Variants in SLC27A2 observed in about 807,000 individuals in gnomAD.
SLC27A2 encodes the protein solute carrier family 27 member 2.
Under a neutral mutation model 60.0 loss-of-function variants are expected in SLC27A2, and 54 were observed. That is an observed-to-expected ratio of 0.90 (90% CI 0.72 to 1.13). The LOEUF is 1.13. Among genes scored for constraint, SLC27A2 ranks in the 50% most tolerant of loss-of-function variants. SLC27A2 has a pLI of 0.00. For synonymous variants in SLC27A2, 297 were observed against 297.6 expected (o/e 1.00, Z 0.02); for missense variants, 739 against 777.6 (o/e 0.95, Z 0.59).
At position 50,227,182 on chromosome 15, in the gene SLC27A2, G is replaced by T. The variant is rs780555145; in HGVS notation, c.1457+4G>T. The T allele has an allele frequency of 6.2e-7, 1 of 1,612,056 alleles. No individual in the cohort carries two copies. Among genetic ancestry groups the T allele is most frequent in the Non-Finnish European group, 8.5e-7 (1 of 1,178,842 alleles). ...ACAGAGTTGGAGATACATTCCGGTT[G>T]GTTTTTCTGAATCATTGAGCCAAAA... is the stretch of plus-strand genomic sequence containing the variant. On this transcript the variant is annotated splice_donor_region_variant and intron_variant, in intron 7 of 9. Transcript: ENST00000267842.
chr15:50,213,462 G>A (rs1017795424), intron 4 of SLC27A2, among the ~76,000 whole-genome samples: 2 of 152,180 alleles, frequency 1.3e-5, no homozygotes, highest in African/African-American at 4.8e-5. Flanking sequence ...GGACTTAACA[G>A]ATATATACAG....
chr15:50,191,181 G>A (rs565220368), intron 1 of SLC27A2: 1 of 152,316 alleles, frequency 6.6e-6, no homozygotes, highest in East Asian at 1.9e-4. Flanking sequence ...TATGTGAAGT[G>A]ATGTATGTAA....
intron 3 of SLC27A2, among the ~76,000 whole-genome samples, chr15:50,204,857 GTATA>G (rs539595020): frequency 1.4e-5 from 2 of 147,290 alleles, no homozygotes; most frequent in Admixed American, 6.8e-5. Flanking sequence ...ATGTATGTGT[GTATA>G]TATATATACT....
chr15:50,195,729 AAAAC>A (rs1316844288), intron 1 of SLC27A2, among the ~76,000 whole-genome samples: 2 of 151,794 alleles, frequency 1.3e-5, no homozygotes, highest in South Asian at 2.1e-4. Context: ...AAACATCTGA[AAAAC>A]AAAGCATATC....
At chr15:50,226,407 A>G (rs1352702694) in intron 6 of SLC27A2, among the ~76,000 whole-genome samples, 1 of 152,222 alleles carries the variant, frequency 6.6e-6, no homozygotes, top group Non-Finnish European at 1.5e-5. Flanking sequence ...GTAAGTGTGC[A>G]TAAATCATTA....
At chr15:50,213,316 T>C (rs933735489) in intron 4 of SLC27A2, among the ~76,000 whole-genome samples, 2 of 152,150 alleles carry the variant, frequency 1.3e-5, no homozygotes, top group Non-Finnish European at 2.9e-5. Context: ...CAATTGCTAC[T>C]AGACCTAAGA....
intron 4 of SLC27A2, among the ~76,000 whole-genome samples, chr15:50,207,656 G>A (rs2045123413): frequency 1.3e-5 from 2 of 151,920 alleles, no homozygotes; most frequent in Admixed American, 6.6e-5. Context: ...GGGGCTTGTT[G>A]GCACGTGCCT....
intron 1 of SLC27A2, among the ~76,000 whole-genome samples, chr15:50,185,103 C>T (rs2044910270): frequency 6.6e-6 from 1 of 152,158 alleles, no homozygotes; most frequent in African/African-American, 2.4e-5. Flanking sequence ...AGGGAGGTCA[C>T]AGGGTTTGGA....
chr15:50,196,011 G>T (rs1258592526), intron 1 of SLC27A2, among the ~76,000 whole-genome samples: 2 of 129,932 alleles, frequency 1.5e-5, no homozygotes, highest in Non-Finnish European at 3.2e-5. Flanking sequence ...CCAAGATCGC[G>T]CCACTGCACC....
chr15:50,216,610 GTA>G (rs59683706), intron 4 of SLC27A2, among the ~76,000 whole-genome samples: 865 of 66,174 alleles, frequency 0.013, 12 homozygotes, highest in Middle Eastern at 0.019. Flanking sequence ...GTGTGTGTGT[GTA>G]TATATATATA....
At chr15:50,198,895 G>A (rs2045043987) in intron 2 of SLC27A2, among the ~76,000 whole-genome samples, 1 of 152,100 alleles carries the variant, frequency 6.6e-6, no homozygotes, top group Admixed American at 6.5e-5. Context: ...ACCCACCTGA[G>A]CTCACAGTTC....
rs1207114462 is a variant in SLC27A2 at position 50,236,261 on chromosome 15, A to T, written c.*165A>T. Reference sequence around the variant, plus strand: ...AAATAACAGTTGAGTCTTTGCAAGTAAAAAGATTTAGAGATTATTATTTTT... The same window carrying T: ...AAATAACAGTTGAGTCTTTGCAAGTTAAAAGATTTAGAGATTATTATTTTT... On this transcript the variant is annotated 3_prime_UTR_variant, in exon 10 of 10. Transcript: ENST00000267842. 9.9e-6 allele frequency: 5 copies of T among 504,376 alleles called. No homozygotes were observed. The highest frequency in any genetic ancestry group is 1.7e-5 in the Non-Finnish European group (5 of 295,680). 31.2% of individuals were successfully genotyped at this position (504,376 alleles called of 1,614,324 possible).
intron 4 of SLC27A2, among the ~76,000 whole-genome samples, chr15:50,205,882 C>A (rs1379852328): frequency 1.3e-5 from 2 of 152,128 alleles, no homozygotes; most frequent in African/African-American, 4.8e-5. Context: ...ATACAGGAAA[C>A]TTTTACTTAA....
In SLC27A2 at chr15:50,182,228, C is replaced by T. The variant is rs1388854285; in HGVS notation, c.-200C>T. On this transcript the variant is annotated 5_prime_UTR_variant, in exon 1 of 10. The change creates a new upstream start codon in the 5' untranslated region. Coordinates refer to ENST00000267842, the MANE Select transcript of SLC27A2 (RefSeq NM_003645.4). Reference sequence around the variant, plus strand: ...CCCGGAACCCCCGGCAACGCGCATACGACTACACCTGCTCCGGAGCCCGCG... The same window carrying T: ...CCCGGAACCCCCGGCAACGCGCATATGACTACACCTGCTCCGGAGCCCGCG... The T allele has an allele frequency of 4.8e-6, 4 of 830,984 alleles. No homozygotes were observed. The highest frequency in any genetic ancestry group is 6.5e-6 in the Non-Finnish European group (4 of 619,774). The allele number at this position is 830,984 out of a possible 1,614,324, so 51.5% of individuals were successfully genotyped here. A position where few individuals can be genotyped will look rare whatever the true frequency, so the allele number is the denominator to read the frequency against.
intron 2 of SLC27A2, among the ~76,000 whole-genome samples, chr15:50,199,664 C>T (rs2140900881): frequency 6.6e-6 from 1 of 152,130 alleles, no homozygotes; most frequent in South Asian, 2.1e-4. Flanking sequence ...CACAGTGGCT[C>T]ACATCTACAA....
chr15:50,233,997 A>T lies in SLC27A2; in HGVS notation c.1685A>T (p.Gln562Leu). 6.2e-7 allele frequency: 1 copy of T among 1,608,524 alleles called. No homozygotes were observed. ...GCAAGGCCCCGGTTTCTAAGAATAC[A>T]GGTGAGATCTCTTATTATCCAGTTC... is the stretch of plus-strand genomic sequence containing the variant. ...SYARPRFLRI[Q>L]DTIEITGTFK... The change falls in exon 9 of 10, where the codon CAG (glutamine) becomes CTG (leucine). Residue 562 changes from glutamine (Q) to leucine (L), a missense_variant and splice_region_variant. Gln to Leu is a moderately radical substitution (Grantham distance 113, BLOSUM62 -2). Coordinates refer to ENST00000267842, the MANE Select transcript of SLC27A2 (RefSeq NM_003645.4).
At chr15:50,227,508 A>G (rs2045286858) in intron 7 of SLC27A2, among the ~76,000 whole-genome samples, 1 of 152,166 alleles carries the variant, frequency 6.6e-6, no homozygotes, top group African/African-American at 2.4e-5. Flanking sequence ...CACCTTTCCA[A>G]TCATGGAGGT....
Position 50,202,533 on chromosome 15 carries a change from A to G in SLC27A2, c.735A>G (p.Gly245=). 6.2e-7 allele frequency: 1 copy of G among 1,614,192 alleles called. No homozygotes were observed. Among genetic ancestry groups the G allele is most frequent in the Middle Eastern group, 1.6e-4 (1 of 6,062 alleles). ...AMITHQRIWY[G]TGLTFVSGLK... ...TCACTCATCAGCGCATATGGTATGG[A>G]ACTGGCCTCACTTTTGTAAGCGGAT... The change falls in exon 3 of 10, where the codon GGA becomes GGG. Residue 245 remains glycine, a synonymous_variant. Transcript: ENST00000267842.
chr15:50,204,810 G>A (rs113361417), intron 3 of SLC27A2, among the ~76,000 whole-genome samples: 1 of 145,026 alleles, frequency 6.9e-6, no homozygotes, highest in African/African-American at 2.6e-5. Flanking sequence ...ATGTGTGTGT[G>A]TATATATATA....
Sources: allele counts gnomAD v4.1 joint callset (sites outside exome capture counted in the v4.1 genomes callset), GRCh38; gene constraint gnomAD v4.1.1; transcripts MANE v1.5; gene names NCBI Gene and HGNC (gene_info 2026-07-23, HGNC 2026-07-21).